The following INPP4B variants were observed in gnomAD, a reference collection of about 807,000 sequenced individuals.
INPP4B encodes inositol polyphosphate 4-phosphatase type II.
In INPP4B, 55 loss-of-function variants were observed where a neutral mutation model predicts 122.5. That is an observed-to-expected ratio of 0.45 (90% CI 0.36 to 0.56). INPP4B has a LOEUF of 0.56. INPP4B is among the 20% of genes least tolerant of loss of function. The probability of loss-of-function intolerance (pLI) is 0.00; values close to 1 mark genes in which losing one functional copy is unlikely to be tolerated. For missense variants in INPP4B, 1,000 were observed against 1,097.7 expected (o/e 0.91, Z 1.26); for synonymous variants, 403 against 388.7 (o/e 1.04, Z -0.43).
intron 2 of INPP4B, among the ~76,000 whole-genome samples, chr4:142,698,564 T>C (rs973602387): frequency 6.6e-6 from 1 of 152,178 alleles, no homozygotes; most frequent in African/African-American, 2.4e-5. Context: ...ACTCCCATTC[T>C]GTGTCCAACA....
chr4:142,487,652 C>T (rs1241565499), intron 2 of INPP4B, among the ~76,000 whole-genome samples: 1 of 152,060 alleles, frequency 6.6e-6, no homozygotes, highest in African/African-American at 2.4e-5. Flanking sequence ...AAATCTTGCA[C>T]ATGTTTATTA....
At position 142,419,845 on chromosome 4, in the gene INPP4B, A is replaced by C. The variant is rs572164472; in HGVS notation, c.136+9328T>G. ...GACAAATTTCAAGCACACAGACAGC[A>C]ACATCAGGGGACCTCTCTCTCTCCC... On this transcript the variant is annotated intron_variant, in intron 5 of 25. Transcript: ENST00000262992. 4.6e-5 allele frequency among the ~76,000 whole-genome samples: 7 copies of C among 152,220 alleles called. No individual in the cohort carries two copies. In the South Asian group the frequency reaches 1.5e-3, roughly 32 times the overall value.
intron 5 of INPP4B, among the ~76,000 whole-genome samples, chr4:142,408,804 T>C (rs1803988714): frequency 6.6e-6 from 1 of 152,230 alleles, no homozygotes; most frequent in East Asian, 1.9e-4. Flanking sequence ...TTTTAATTTC[T>C]GCCTTCTTAA....
chr4:142,337,840 T>C (rs559824064), intron 7 of INPP4B, among the ~76,000 whole-genome samples: 1 of 150,404 alleles, frequency 6.6e-6, no homozygotes, highest in Non-Finnish European at 1.5e-5. Flanking sequence ...GCATATTTCT[T>C]CCTCTCTCTA....
chr4:142,330,900 A>G lies in INPP4B; in HGVS notation c.373-16138T>C, dbSNP rs555002687. 1.2e-4 allele frequency among the ~76,000 whole-genome samples: 18 copies of G among 152,362 alleles called. No individual in the cohort carries two copies. The South Asian group carries it at 2.9e-3, about 25-fold the overall frequency. On this transcript the variant is annotated intron_variant, in intron 7 of 25. Coordinates refer to ENST00000262992, the MANE Select transcript of INPP4B (RefSeq NM_001101669.3). ...GAGGAAACTACTTAAATCTAAGTGC[A>G]CTAAGCAATGTCCATTCACAGGAAC... is the stretch of plus-strand genomic sequence containing the variant.
intron 25 of INPP4B, among the ~76,000 whole-genome samples, chr4:142,048,973 A>T (rs980478918): frequency 1.3e-5 from 2 of 152,028 alleles, no homozygotes; most frequent in Non-Finnish European, 2.9e-5. Flanking sequence ...GCAACAGACT[A>T]GTAATTAAGA....
chr4:142,289,355 A>G (rs1228833256), intron 9 of INPP4B, among the ~76,000 whole-genome samples: 2 of 152,210 alleles, frequency 1.3e-5, no homozygotes, highest in Non-Finnish European at 2.9e-5. Flanking sequence ...TTAAAACTGA[A>G]CTTCCAATCT....
intron 1 of INPP4B, among the ~76,000 whole-genome samples, chr4:142,770,055 A>G (rs1243636323): frequency 6.6e-6 from 1 of 152,222 alleles, no homozygotes; most frequent in East Asian, 1.9e-4. Context: ...TTGAAGACCA[A>G]CTGTAGCTCT....
In INPP4B at chr4:142,773,953, G is replaced by C. The variant is rs552457252; in HGVS notation, c.-253-48052C>G. Among the ~76,000 whole-genome samples, 21 of 152,152 alleles carry C rather than the reference G, an allele frequency of 1.4e-4. No homozygotes were observed. The South Asian group carries it at 4.4e-3, about 32-fold the overall frequency. On this transcript the variant is annotated intron_variant, in intron 1 of 25. Transcript: ENST00000262992. The stretch of plus-strand genomic sequence containing the variant: ...ATTGGCCTCAAGCATCATTTTACCA[G>C]ATAGTATTTAAAACTGAGATGATAA...
At chr4:142,836,974 T>C (rs1233391991) in intron 1 of INPP4B, among the ~76,000 whole-genome samples, 1 of 151,758 alleles carries the variant, frequency 6.6e-6, no homozygotes, top group Non-Finnish European at 1.5e-5. Context: ...GTAACCAGCC[T>C]CACCAACATG....
chr4:142,442,411 C>CAAAAAA (rs70949167), intron 3 of INPP4B, among the ~76,000 whole-genome samples: 19 of 78,460 alleles, frequency 2.4e-4, no homozygotes, highest in East Asian at 3.8e-4. Flanking sequence ...GACTCCATCT[C>CAAAAAA]AAAAAAAAAA....
At chr4:142,145,791 C>A in intron 18 of INPP4B, 49 bp downstream of exon 18, 1 of 1,551,084 alleles carries the variant, frequency 6.4e-7, no homozygotes, top group Admixed American at 1.8e-5. Flanking sequence ...TCACGAGTTT[C>A]TCATTTTGTT....
At chr4:142,235,281 G>A (rs892079322) in intron 12 of INPP4B, among the ~76,000 whole-genome samples, 4 of 151,712 alleles carry the variant, frequency 2.6e-5, no homozygotes, top group Non-Finnish European at 5.9e-5. Context: ...ATGAAGTGGT[G>A]TTAATGATCC....
chr4:142,334,482 G>T (rs1775850597), intron 7 of INPP4B, among the ~76,000 whole-genome samples: 1 of 152,168 alleles, frequency 6.6e-6, no homozygotes. Flanking sequence ...AAGTGGAATT[G>T]CTGGGTCATA....
At chr4:142,808,201 T>C (rs186425404) in intron 1 of INPP4B, among the ~76,000 whole-genome samples, 6 of 152,314 alleles carry the variant, frequency 3.9e-5, no homozygotes, top group Admixed American at 3.9e-4. Flanking sequence ...TTGTTCTTTT[T>C]CTTGTTTCAT....
chr4:142,088,144 G>C (rs1777723238), intron 23 of INPP4B, among the ~76,000 whole-genome samples: 1 of 152,160 alleles, frequency 6.6e-6, no homozygotes, highest in Admixed American at 6.5e-5. Flanking sequence ...ATTTTAACAG[G>C]ACACAGCCCA....
At chr4:142,389,904 A>C (rs1797132476) in intron 7 of INPP4B, among the ~76,000 whole-genome samples, 1 of 152,234 alleles carries the variant, frequency 6.6e-6, no homozygotes, top group Admixed American at 6.5e-5. Flanking sequence ...ATTGTTTTAA[A>C]TTAGAAAAGA....
At chr4:142,338,714 T>C (rs998562072) in intron 7 of INPP4B, among the ~76,000 whole-genome samples, 1 of 152,198 alleles carries the variant, frequency 6.6e-6, no homozygotes, top group Non-Finnish European at 1.5e-5. Flanking sequence ...TTATCTCTTA[T>C]GATTATCACA....
intron 2 of INPP4B, among the ~76,000 whole-genome samples, chr4:142,611,937 G>A (rs976815111): frequency 1.3e-5 from 2 of 152,156 alleles, no homozygotes; most frequent in Non-Finnish European, 2.9e-5. Flanking sequence ...CCAAAGTGCT[G>A]GGATTATAGG....
Sources: allele counts gnomAD v4.1 joint callset (sites outside exome capture counted in the v4.1 genomes callset), GRCh38; gene constraint gnomAD v4.1.1; transcripts MANE v1.5; gene names NCBI Gene and HGNC (gene_info 2026-07-23, HGNC 2026-07-21).